The following TMBIM4 variants were observed in gnomAD, a reference collection of about 807,000 sequenced individuals.
TMBIM4 encodes the protein protein lifeguard 4.
TMBIM4 carries 28 observed loss-of-function variants against 27.7 expected under a neutral mutation model. That is an observed-to-expected ratio of 1.01 (90% confidence interval 0.75 to 1.38). The LOEUF is 1.38. Ranked by LOEUF, TMBIM4 falls within the 40% of genes most tolerant of loss-of-function variation. TMBIM4 has a pLI of 0.00. For missense variants in TMBIM4, 265 were observed against 277.5 expected, an observed-to-expected ratio of 0.95 and a Z score of 0.32; for synonymous variants, 115 against 113.1, an observed-to-expected ratio of 1.02 and a Z score of -0.11.
Position 66,136,294 on chromosome 12 carries a change from A to C in TMBIM4, c.*1666T>G, listed in dbSNP as rs1783012152. On this transcript the variant is annotated 3_prime_UTR_variant, in exon 7 of 7. Transcript: ENST00000358230. The stretch of plus-strand genomic sequence containing the variant: ...CACCTGGTTGGACTGCAATGATTCT[A>C]ATCTAGATGCTCTTACCCACCATGC... 6.6e-6 allele frequency: 1 copy of C among 152,276 alleles called. No individual in the cohort carries two copies. Among genetic ancestry groups the C allele is most frequent in the South Asian group, 2.1e-4 (1 of 4,826 alleles). The allele number at this position is 152,276 out of a possible 1,614,324, so 9.4% of individuals were successfully genotyped here.
At chr12:66,144,012 G>A (rs2051711557) in intron 5 of TMBIM4, among the ~76,000 whole-genome samples, 1 of 152,148 alleles carries the variant, frequency 6.6e-6, no homozygotes, top group Non-Finnish European at 1.5e-5. Context: ...GTAACTAATA[G>A]CAGTAGATGT....
chr12:66,147,177 A>G (rs931852088), intron 4 of TMBIM4, among the ~76,000 whole-genome samples: 1 of 152,078 alleles, frequency 6.6e-6, no homozygotes, highest in Non-Finnish European at 1.5e-5. Flanking sequence ...GATTACAAAA[A>G]CATACAGATT....
rs1257792136 is a variant in TMBIM4, at chr12:66,137,429, C to T, written c.*531G>A. 1 of 151,058 alleles carries T rather than the reference C, an allele frequency of 6.6e-6. No homozygotes were observed. Among genetic ancestry groups the T allele is most frequent in the African/African-American group, 2.4e-5 (1 of 41,056 alleles). 9.4% of individuals were successfully genotyped at this position (151,058 alleles called of 1,614,324 possible). A position where few individuals can be genotyped will look rare whatever the true frequency, so the allele number is the denominator to read the frequency against. ...TTTTTTTTTTTGAGACTGAGTCTCG[C>T]TCTGTCACCAGGCTGGAATGCAGTG... On this transcript the variant is annotated 3_prime_UTR_variant, in exon 7 of 7. Transcript: ENST00000358230.
At chr12:66,157,463 A>G (rs2051956470) in intron 1 of TMBIM4, among the ~76,000 whole-genome samples, 1 of 152,200 alleles carries the variant, frequency 6.6e-6, no homozygotes. Flanking sequence ...CCTGACTCTC[A>G]GAAACTGAGA....
chr12:66,158,613 T>C (rs573962064), intron 1 of TMBIM4, among the ~76,000 whole-genome samples: 35 of 150,442 alleles, frequency 2.3e-4, no homozygotes, highest in Non-Finnish European at 4.6e-4. Flanking sequence ...ACCACTGCAC[T>C]GCAGCCTGGT....
chr12:66,144,569 G>A (rs904832173), intron 5 of TMBIM4, among the ~76,000 whole-genome samples: 2 of 152,132 alleles, frequency 1.3e-5, no homozygotes, highest in African/African-American at 4.8e-5. Flanking sequence ...ACACTTGTGT[G>A]GTTGGGAAAA....
At chr12:66,149,397 T>C (rs909062106) in intron 3 of TMBIM4, among the ~76,000 whole-genome samples, 6 of 148,028 alleles carry the variant, frequency 4.1e-5, no homozygotes, top group Admixed American at 2.0e-4. Context: ...GTGAGCCAAG[T>C]TCGTGCCACT....
At chr12:66,155,806 T>C (rs2051926404) in intron 1 of TMBIM4, among the ~76,000 whole-genome samples, 1 of 152,230 alleles carries the variant, frequency 6.6e-6, no homozygotes, top group African/African-American at 2.4e-5. Flanking sequence ...TTTATTTGTA[T>C]ATATGTACAC....
In TMBIM4 at chr12:66,144,640, G is replaced by A. The variant is rs574190389; in HGVS notation, c.464+1201C>T. 5 of 152,192 alleles carry A rather than the reference G, an allele frequency of 3.3e-5. No homozygotes were observed. In the South Asian group the frequency reaches 1.0e-3, roughly 31 times the overall value. The allele number at this position is 152,192 out of a possible 1,614,324, so 9.4% of individuals were successfully genotyped here. Reference sequence around the variant, plus strand: ...AATCCAATAGTTTTCCCAGATGCTAGGCGAAAACCCAAATACTGTATGGAA... The same window carrying A: ...AATCCAATAGTTTTCCCAGATGCTAAGCGAAAACCCAAATACTGTATGGAA... On this transcript the variant is annotated intron_variant, in intron 5 of 6. Coordinates refer to ENST00000358230, the MANE Select transcript of TMBIM4 (RefSeq NM_016056.4).
chr12:66,142,357 A>G (rs1282635038), intron 5 of TMBIM4, among the ~76,000 whole-genome samples: 1 of 150,658 alleles, frequency 6.6e-6, no homozygotes, highest in Non-Finnish European at 1.5e-5. Flanking sequence ...TTCCTGCACC[A>G]TGGGGTATGG....
chr12:66,144,068 G>A (rs1462655893), intron 5 of TMBIM4, among the ~76,000 whole-genome samples: 1 of 152,052 alleles, frequency 6.6e-6, no homozygotes, highest in African/African-American at 2.4e-5. Flanking sequence ...GTAGTGAAGT[G>A]TTAGGGTTTT....
At chr12:66,138,272 G>A in intron 6 of TMBIM4, 106 bp from the exon 7 acceptor site, 2 of 1,462,584 alleles carry the variant, frequency 1.4e-6, no homozygotes, top group Non-Finnish European at 1.8e-6. Flanking sequence ...ATTTGACAAT[G>A]GTGTACAACT....
chr12:66,164,810 C>T (rs1298393158), intron 1 of TMBIM4, among the ~76,000 whole-genome samples: 5 of 152,114 alleles, frequency 3.3e-5, no homozygotes, highest in Non-Finnish European at 7.4e-5. Flanking sequence ...TATCTCTGTT[C>T]ACAAACATGA....
At chr12:66,144,174 C>G (rs527553034) in intron 5 of TMBIM4, among the ~76,000 whole-genome samples, 1 of 152,112 alleles carries the variant, frequency 6.6e-6, no homozygotes, top group South Asian at 2.1e-4. Context: ...AATAGAGAGG[C>G]TGGTTGTAGT....
At chr12:66,149,992 T>C (rs745678478) in intron 3 of TMBIM4, among the ~76,000 whole-genome samples, 3 of 152,196 alleles carry the variant, frequency 2.0e-5, no homozygotes, top group Non-Finnish European at 4.4e-5. Context: ...CCCTGAGTAA[T>C]TTAAGGAAAT....
Position 66,152,361 on chromosome 12 carries a change from CA to C in TMBIM4, c.221del (p.Leu74CysfsTer10). On this transcript the variant is annotated frameshift_variant, in exon 3 of 7. Transcript: ENST00000358230. LOFTEE classifies it high-confidence loss of function. ...TFVHESPALI[L>X]LFALGSLGLI... ...AACCCAGAGATCCGAGGGCAAACAG[CA>C]AAATTAAGGCAGGACTGAAAGACAT... The C allele has an allele frequency of 6.2e-7, 1 of 1,606,664 alleles. No individual in the cohort carries two copies. The highest frequency in any genetic ancestry group is 1.3e-5 in the African/African-American group (1 of 74,710).
At chr12:66,138,480 C>G (rs1282890204) in intron 6 of TMBIM4, among the ~76,000 whole-genome samples, 3 of 152,118 alleles carry the variant, frequency 2.0e-5, no homozygotes, top group Non-Finnish European at 4.4e-5. Flanking sequence ...CAGTTGTAAG[C>G]AAGGGCCTCT....
At position 66,163,779 on chromosome 12, in the gene TMBIM4, C is replaced by T. The variant is rs76504446; in HGVS notation, c.97+6076G>A. On this transcript the variant is annotated intron_variant, in intron 1 of 6. Transcript: ENST00000358230. ...TACTTTAGAAAGCTGAGCTTCAACA[C>T]AAATCCTCAAACTCTTCCAAAAAAC... Among the ~76,000 whole-genome samples, 1,375 of 152,222 alleles carry T rather than the reference C, an allele frequency of 9.0e-3. 15 individuals carry two copies. The highest frequency in any genetic ancestry group is 0.031 in the African/African-American group (1,302 of 41,526).
At position 66,138,056 on chromosome 12, in the gene TMBIM4, A is replaced by G. The variant is rs943966138; in HGVS notation, c.621T>C (p.Pro207=). 1.2e-6 allele frequency: 2 copies of G among 1,614,114 alleles called. No individual in the cohort carries two copies. The highest frequency in any genetic ancestry group is 1.7e-5 in the Admixed American group (1 of 60,008). ...TGATGGCAGCTAATACGTACTCTTC[A>G]GGTGACAGTTTATGCATCAGTGAGT... is the stretch of plus-strand genomic sequence containing the variant. ...DTHSLMHKLS[P]EEYVLAAISL... Residue 207 remains proline (P), a synonymous_variant, in exon 7 of 7, where the codon CCT becomes CCC. Transcript: ENST00000358230.
Sources: allele counts gnomAD v4.1 joint callset (sites outside exome capture counted in the v4.1 genomes callset), GRCh38; gene constraint gnomAD v4.1.1; transcripts MANE v1.5; gene names NCBI Gene and HGNC (gene_info 2026-07-23, HGNC 2026-07-21).